The following PVT1 variants were observed in gnomAD, a reference collection of about 807,000 sequenced individuals.
PVT1 encodes CXCR4/PVT1 fusion.
chr8:127,836,127 C>T (rs1349280475), intron 2 of PVT1, among the ~76,000 whole-genome samples: 2 of 152,220 alleles, frequency 1.3e-5, no homozygotes, highest in Admixed American at 1.3e-4. Context: ...CTGGATGCTG[C>T]TGAATTTCAC....
intron 2 of PVT1, among the ~76,000 whole-genome samples, chr8:127,863,821 C>G (rs967484967): frequency 4.6e-5 from 7 of 152,186 alleles, no homozygotes; most frequent in Non-Finnish European, 1.0e-4. Context: ...TCTGGGCCCA[C>G]CTTCAAGCTG....
At chr8:127,998,828 C>A (rs952516790) in intron 4 of PVT1, among the ~76,000 whole-genome samples, 3 of 138,900 alleles carry the variant, frequency 2.2e-5, no homozygotes, top group Non-Finnish European at 4.6e-5. Context: ...CCCTTCCTTC[C>A]TTCCTTCCTT....
At chr8:127,909,783 C>T (rs1041254305) in intron 3 of PVT1, among the ~76,000 whole-genome samples, 7 of 152,128 alleles carry the variant, frequency 4.6e-5, no homozygotes, top group South Asian at 4.1e-4. Flanking sequence ...TCCATGCAGG[C>T]GCTCTGGGGC....
At chr8:127,916,576 A>G (rs1815988119) in intron 3 of PVT1, among the ~76,000 whole-genome samples, 1 of 152,164 alleles carries the variant, frequency 6.6e-6, no homozygotes, top group Non-Finnish European at 1.5e-5. Flanking sequence ...AGCAGGAGAT[A>G]GATGATTTCG....
intron 2 of PVT1, among the ~76,000 whole-genome samples, chr8:127,885,107 G>T (rs1323041026): frequency 6.6e-6 from 1 of 151,602 alleles, no homozygotes; most frequent in African/African-American, 2.4e-5. Context: ...CGGTACTCCA[G>T]TCCTGACATT....
At chr8:128,071,046 G>A (rs949671267) in intron 5 of PVT1, among the ~76,000 whole-genome samples, 2 of 152,158 alleles carry the variant, frequency 1.3e-5, no homozygotes, top group Admixed American at 6.5e-5. Flanking sequence ...TGTCAGAAGC[G>A]GCGAGTCACT....
At chr8:128,026,219 A>G (rs1334139637) in intron 4 of PVT1, among the ~76,000 whole-genome samples, 1 of 152,216 alleles carries the variant, frequency 6.6e-6, no homozygotes, top group Non-Finnish European at 1.5e-5. Flanking sequence ...CTGGGATTAC[A>G]GGCGTGAGCC....
chr8:127,914,101 T>G (rs1478715870), intron 3 of PVT1, among the ~76,000 whole-genome samples: 1 of 151,796 alleles, frequency 6.6e-6, no homozygotes, highest in African/African-American at 2.4e-5. Flanking sequence ...GGCAGAAGAC[T>G]TGAACACACA....
At chr8:128,006,127 TAA>T (rs1278867536) in intron 4 of PVT1, among the ~76,000 whole-genome samples, 1 of 135,904 alleles carries the variant, frequency 7.4e-6, no homozygotes, top group African/African-American at 2.7e-5. Flanking sequence ...ATAATAATAA[TAA>T]TAATAATAAT....
At chr8:127,821,607 G>C (rs1017557505) in intron 2 of PVT1, among the ~76,000 whole-genome samples, 1 of 151,878 alleles carries the variant, frequency 6.6e-6, no homozygotes, top group Non-Finnish European at 1.5e-5. Flanking sequence ...TCAGAAGATC[G>C]AGACCATCCT....
chr8:128,042,511 C>T (rs1813557673), intron 4 of PVT1, among the ~76,000 whole-genome samples: 1 of 152,128 alleles, frequency 6.6e-6, no homozygotes, highest in Non-Finnish European at 1.5e-5. Flanking sequence ...GGGCCTTGCT[C>T]TAGCCCCATG....
At chr8:128,096,295 C>G (rs1413084213) in intron 5 of PVT1, among the ~76,000 whole-genome samples, 1 of 152,182 alleles carries the variant, frequency 6.6e-6, no homozygotes, top group Non-Finnish European at 1.5e-5. Flanking sequence ...TATGTTGTCA[C>G]TCTCTTTGAT....
intron 3 of PVT1, among the ~76,000 whole-genome samples, chr8:127,974,186 C>T (rs1816795728): frequency 6.6e-6 from 1 of 152,102 alleles, no homozygotes; most frequent in Admixed American, 6.6e-5. Flanking sequence ...CCGGATGTGC[C>T]ATGGGGCCTG....
intron 3 of PVT1, among the ~76,000 whole-genome samples, chr8:127,908,482 C>T (rs1815851215): frequency 6.6e-6 from 1 of 151,958 alleles, no homozygotes; most frequent in African/African-American, 2.4e-5. Context: ...GCTGGGATTA[C>T]AGGGTTGTGC....
intron 5 of PVT1, among the ~76,000 whole-genome samples, chr8:128,078,376 G>A (rs954537909): frequency 6.6e-6 from 1 of 152,128 alleles, no homozygotes; most frequent in African/African-American, 2.4e-5. Flanking sequence ...ACTCTACTGG[G>A]TTCTCAATAA....
chr8:128,002,327 G>A (rs1031920791), intron 4 of PVT1, among the ~76,000 whole-genome samples: 1 of 152,198 alleles, frequency 6.6e-6, no homozygotes, highest in African/African-American at 2.4e-5. Flanking sequence ...CTCTGCACCT[G>A]TGTGACATTT....
In PVT1 at chr8:127,931,809, G is replaced by C. The variant is rs553039514; in HGVS notation, n.782+40811G>C. On this transcript the variant is annotated intron_variant and non_coding_transcript_variant, in intron 3 of 10. Coordinates refer to ENST00000651587, the Ensembl canonical transcript of PVT1. ...CCCTAATAAAGCCAGTGTTTACACA[G>C]GCTGGAGGTGCTCATCAGATGTTTT... is the stretch of plus-strand genomic sequence containing the variant. 2.0e-5 allele frequency among the ~76,000 whole-genome samples: 3 copies of C among 152,390 alleles called. No homozygotes were observed. In the South Asian group the frequency reaches 6.2e-4, roughly 32 times the overall value.
rs144216856 is a variant in PVT1, at chr8:127,866,829, A to G, written n.373-23760A>G. Among the ~76,000 whole-genome samples, 66 of 152,298 alleles carry G rather than the reference A, an allele frequency of 4.3e-4. 2 individuals are homozygous for G. The highest frequency in any genetic ancestry group is 8.4e-4 in the Non-Finnish European group (57 of 68,012). ...GAGACCTAGGCAGATCTTGCCTCCC[A>G]TCTGCCGACCCTCCGCAGATGCTAC... On this transcript the variant is annotated intron_variant and non_coding_transcript_variant, in intron 2 of 10. Coordinates refer to ENST00000651587, the Ensembl canonical transcript of PVT1.
intron 3 of PVT1, among the ~76,000 whole-genome samples, chr8:127,920,710 T>C (rs941932930): frequency 4.6e-5 from 7 of 152,224 alleles, no homozygotes; most frequent in Non-Finnish European, 8.8e-5. Context: ...AAGAGTTGTT[T>C]TATGAAAAGT....
Sources: gnomAD v4.1 joint callset for allele counts (sites outside exome capture counted in the v4.1 genomes callset) on GRCh38, gnomAD v4.1.1 for gene constraint, MANE v1.5 for transcripts, NCBI Gene and HGNC (gene_info 2026-07-23, HGNC 2026-07-21) for gene names.